Variants in SIRT6 observed in about 807,000 individuals in gnomAD.
SIRT6 encodes the protein NAD-dependent protein deacylase sirtuin-6.
Under a neutral mutation model 33.6 loss-of-function variants are expected in SIRT6, and 21 were observed. The observed-to-expected ratio is 0.62, with a 90% CI of 0.44 to 0.90. SIRT6 has a LOEUF of 0.90. Ranked by LOEUF, SIRT6 falls within the 40% of genes least tolerant of loss-of-function variation. The pLI, the probability that SIRT6 is intolerant of heterozygous loss-of-function variation, is 0.00. For synonymous variants in SIRT6, 221 were observed against 223.9 expected (o/e 0.99, Z 0.12); for missense variants, 504 against 510.6 (o/e 0.99, Z 0.12).
rs1046422010 is a variant in SIRT6 at position 4,182,253 on chromosome 19, C to G, written c.66+221G>C. On this transcript the variant is annotated intron_variant, in intron 1 of 7. Transcript: ENST00000337491. ...GTCCCCTCTTCCTGGAACTACATCCCCTCTCTCCCCGATCAGCCCCGACAG... is the reference window on the plus strand; with the variant it reads ...GTCCCCTCTTCCTGGAACTACATCCGCTCTCTCCCCGATCAGCCCCGACAG... 6.5e-5 allele frequency: 34 copies of G among 525,410 alleles called. No individual in the cohort carries two copies. The South Asian group carries it at 7.8e-4, about 12-fold the overall frequency. The allele number at this position is 525,410 out of a possible 1,614,324, so 32.5% of individuals were successfully genotyped here.
rs1464699976 is a variant in SIRT6 at position 4,175,890 on chromosome 19, G to C, written c.485C>G (p.Thr162Arg). The change falls in exon 5 of 8, where the codon ACG becomes AGG. Residue 162 changes from threonine (T) to arginine (R), a missense_variant. Coordinates refer to ENST00000337491, the MANE Select transcript of SIRT6 (RefSeq NM_016539.4). ...TVVGTMGLKA[T>R]GRLCTVAKAR... ...CTTAGCCACGGTGCAGAGCCGGCCC[G>C]TGGCCTTCAGGCCCATGGTGCCCAC... The C allele has an allele frequency of 6.4e-7, 1 of 1,568,952 alleles. No homozygotes were observed. The highest frequency in any genetic ancestry group is 2.3e-5 in the East Asian group (1 of 42,772).
chr19:4,177,586 G>A (rs993586604), intron 3 of SIRT6, among the ~76,000 whole-genome samples: 3 of 152,088 alleles, frequency 2.0e-5, no homozygotes, highest in African/African-American at 7.2e-5. Context: ...TTGAGACAGA[G>A]TTTTGCTCTT....
At position 4,180,821 on chromosome 19, in the gene SIRT6, C is replaced by T. The variant is rs1967592676; in HGVS notation, c.155G>A (p.Gly52Asp). ...GCCAGAGGCAGTGCTGATGCCGGCA[C>T]CCGTGTGGAACACCACACTGGAAGA... ...WQSSSVVFHT[G>D]AGISTASGIP... Residue 52 changes from glycine to aspartate, a missense_variant, in exon 2 of 8, where the codon GGT becomes GAT. Gly to Asp is a moderately conservative substitution (Grantham distance 94). Coordinates refer to ENST00000337491, the MANE Select transcript of SIRT6 (RefSeq NM_016539.4). 5.0e-6 allele frequency: 8 copies of T among 1,613,524 alleles called. No individual in the cohort carries two copies. The highest frequency in any genetic ancestry group is 6.8e-6 in the Non-Finnish European group (8 of 1,179,800).
rs1967147103 is a variant in SIRT6, at chr19:4,174,306, G to A, written c.*311C>T. On this transcript the variant is annotated 3_prime_UTR_variant, in exon 8 of 8. Coordinates refer to ENST00000337491, the MANE Select transcript of SIRT6 (RefSeq NM_016539.4). This position sits in a 1 kb window ranked among gnomAD's most constrained non-coding sequence, Gnocchi z 4.2. ...CAGAAGGGAGGCCCTGGGGACAGAG[G>A]GAGTTCACTCCTGTTTAAGCTGGAG... The A allele has an allele frequency of 4.0e-6, 1 of 252,952 alleles. No homozygotes were observed. Among genetic ancestry groups the A allele is most frequent in the East Asian group, 7.4e-5 (1 of 13,590 alleles). 15.7% of individuals were successfully genotyped at this position (252,952 alleles called of 1,614,324 possible).
chr19:4,179,191 G>A lies in SIRT6; in HGVS notation c.290C>T (p.Ala97Val), dbSNP rs754633613. The A allele has an allele frequency of 4.5e-5, 72 of 1,612,118 alleles. No individual in the cohort carries two copies. Among genetic ancestry groups the A allele is most frequent in the Non-Finnish European group, 5.8e-5 (69 of 1,179,648 alleles). Residue 97 changes from alanine to valine, a missense_variant, in exon 3 of 8, where the codon GCG becomes GTG. By Grantham distance (64) the Ala-to-Val change is moderately conservative. Transcript: ENST00000337491. Reference protein sequence around the residue: ...ESARPTQTHMALVQLERVGLL... With the variant: ...ESARPTQTHMVLVQLERVGLL... ...GCCCACGCGCTCCAGCTGCACCAGC[G>A]CCATGTGGGTCTGCGTGGGCCGCGC...
rs200466806 is a variant in SIRT6, at chr19:4,180,901, G to A, written c.75C>T (p.Asp25=). The change falls in exon 2 of 8, where the codon GAC becomes GAT. Residue 25 remains aspartate, a synonymous_variant. Coordinates refer to ENST00000337491, the MANE Select transcript of SIRT6 (RefSeq NM_016539.4). ...KGKCGLPEIF[D]PPEELERKVW... ...CCTTCCGCTCCAGCTCCTCCGGGGG[G>A]TCGAAGATCTGTGGGGGGAGAGAGC... 1.5e-5 allele frequency: 24 copies of A among 1,611,218 alleles called. No homozygotes were observed. Among genetic ancestry groups the A allele is most frequent in the South Asian group, 2.2e-5 (2 of 90,782 alleles).
chr19:4,182,415 C>T (rs889037994), intron 1 of SIRT6, 59 bp downstream of exon 1: 19 of 1,535,536 alleles, frequency 1.2e-5, no homozygotes, highest in African/African-American at 9.8e-5. Flanking sequence ...CCCTGCCATC[C>T]GGCCGCTCCC....
chr19:4,180,969 G>C, intron 1 of SIRT6, 60 bp from the exon 2 acceptor site: 1 of 1,505,992 alleles, frequency 6.6e-7, no homozygotes, highest in South Asian at 1.3e-5. Flanking sequence ...GCAAGGCCAC[G>C]CACGAGCCAC....
intron 2 of SIRT6, among the ~76,000 whole-genome samples, chr19:4,180,222 G>A (rs983018681): frequency 7.0e-6 from 1 of 143,852 alleles, no homozygotes; most frequent in Admixed American, 7.4e-5. Flanking sequence ...CTCCCACCTC[G>A]GCCTTCCAAG....
In SIRT6 at chr19:4,182,238, C is replaced by T. The variant is rs1271538807; in HGVS notation, c.66+236G>A. 7.8e-6 allele frequency: 4 copies of T among 510,736 alleles called. No homozygotes were observed. The East Asian group carries it at 1.0e-4, about 13-fold the overall frequency. 31.6% of individuals were successfully genotyped at this position (510,736 alleles called of 1,614,324 possible). A position where few individuals can be genotyped will look rare whatever the true frequency, so the allele number is the denominator to read the frequency against. On this transcript the variant is annotated intron_variant, in intron 1 of 7. Transcript: ENST00000337491. ...CCCTTTGCGCCTGTCGTCCCCTCTT[C>T]CTGGAACTACATCCCCTCTCTCCCC...
intron 4 of SIRT6, among the ~76,000 whole-genome samples, chr19:4,176,580 C>G (rs1018833592): frequency 3.9e-5 from 6 of 151,920 alleles, no homozygotes; most frequent in Admixed American, 2.0e-4. Flanking sequence ...CAGAGCGGGA[C>G]TGTCTCAAAA....
intron 3 of SIRT6, among the ~76,000 whole-genome samples, chr19:4,178,258 C>G (rs2145170092): frequency 6.6e-6 from 1 of 152,052 alleles, no homozygotes; most frequent in Non-Finnish European, 1.5e-5. Context: ...AACTCTTGAC[C>G]TCGTGATCCG....
rs758377188 is a variant in SIRT6, at chr19:4,179,218, C to G, written c.263G>C (p.Ser88Thr). 6.2e-7 allele frequency: 1 copy of G among 1,611,010 alleles called. No homozygotes were observed. Among genetic ancestry groups the G allele is most frequent in the Non-Finnish European group, 8.5e-7 (1 of 1,179,170 alleles). The change falls in exon 3 of 8, where the codon AGC becomes ACC. Residue 88 changes from serine to threonine, a missense_variant. Ser to Thr is a moderately conservative substitution (Grantham distance 58). Transcript: ENST00000337491. Reference sequence around the variant, plus strand: ...CATGTGGGTCTGCGTGGGCCGCGCGCTCTCAAAGGTGGTGTCGAACTTGGG... The same window carrying G: ...CATGTGGGTCTGCGTGGGCCGCGCGGTCTCAAAGGTGGTGTCGAACTTGGG... ...LAPKFDTTFE[S>T]ARPTQTHMAL...
chr19:4,181,598 C>G (rs994507414), intron 1 of SIRT6, among the ~76,000 whole-genome samples: 3 of 152,234 alleles, frequency 2.0e-5, no homozygotes, highest in African/African-American at 7.2e-5. Flanking sequence ...AGCAGACTGG[C>G]CAACATGGTG....
At chr19:4,179,620 A>G (rs188323789) in intron 2 of SIRT6, 69 of 345,314 alleles carry the variant, frequency 2.0e-4, no homozygotes, top group African/African-American at 1.4e-3. Flanking sequence ...TTCAACCAAC[A>G]CTGCTGCTGC....
At chr19:4,176,030 G>A in intron 4 of SIRT6, 93 bp from the exon 5 acceptor site, 2 of 1,137,536 alleles carry the variant, frequency 1.8e-6, no homozygotes, top group East Asian at 2.6e-5. Flanking sequence ...CCAGGGAGGT[G>A]GGGGGTGGAC....
chr19:4,182,214 C>T, intron 1 of SIRT6: 1 of 493,812 alleles, frequency 2.0e-6, no homozygotes, highest in Non-Finnish European at 3.6e-6. Context: ...TTCCCACCTC[C>T]CTTTGCGCCT....
intron 4 of SIRT6, 34 bp from the exon 5 acceptor site, chr19:4,175,971 G>C: frequency 6.5e-7 from 1 of 1,535,006 alleles, no homozygotes; most frequent in East Asian, 2.4e-5. Flanking sequence ...GATGGGACCA[G>C]GTGAGCTCCC....
At chr19:4,179,008 C>T in intron 3 of SIRT6, 96 bp downstream of exon 3, 2 of 1,464,112 alleles carry the variant, frequency 1.4e-6, no homozygotes, top group South Asian at 1.2e-5. Flanking sequence ...GGGCTAGAAT[C>T]TTATAGAACC....
Sources: allele counts gnomAD v4.1 joint callset (sites outside exome capture counted in the v4.1 genomes callset), GRCh38; gene constraint gnomAD v4.1.1; non-coding constraint Gnocchi (gnomAD v3.1); transcripts MANE v1.5; gene names NCBI Gene and HGNC (gene_info 2026-07-23, HGNC 2026-07-21).